STIM1: variants seen among roughly 807,000 people sequenced by gnomAD.
The protein encoded by STIM1 is stromal interaction molecule 1.
A neutral mutation model predicts 74.7 loss-of-function variants in STIM1; 25 were observed. That is an observed-to-expected ratio of 0.33 (90% CI 0.24 to 0.47). STIM1 has a LOEUF of 0.47. Ranked by LOEUF, STIM1 falls within the 20% of genes least tolerant of loss-of-function variation. The pLI, the probability that STIM1 is intolerant of heterozygous loss-of-function variation, is 1.00. For missense variants in STIM1, 728 were observed against 920.8 expected (o/e 0.79, Z 2.71); for synonymous variants, 328 against 348.8 (o/e 0.94, Z 0.66).
At chr11:4,084,866 G>A (rs1200758515) in intron 11 of STIM1, 101 bp downstream of exon 11, 2 of 934,654 alleles carry the variant, frequency 2.1e-6, no homozygotes, top group African/African-American at 1.7e-5. Context: ...TCACGCCCCT[G>A]CCTGCTCCCT....
At chr11:4,046,512 T>C (rs2094195001) in intron 3 of STIM1, among the ~76,000 whole-genome samples, 1 of 152,120 alleles carries the variant, frequency 6.6e-6, no homozygotes, top group Non-Finnish European at 1.5e-5. Flanking sequence ...GAGCTTTCCT[T>C]CTGAACTCCA....
chr11:3,856,211 C>T lies in STIM1; in HGVS notation c.-60C>T. Reference sequence around the variant, plus strand: ...GTCGGCTGCACTCCCGGGCTCCTGGCTTTGCCTCTGGGATCCCGAGGTGTC... The same window carrying T: ...GTCGGCTGCACTCCCGGGCTCCTGGTTTTGCCTCTGGGATCCCGAGGTGTC... On this transcript the variant is annotated 5_prime_UTR_variant, in exon 1 of 13. Coordinates refer to ENST00000526596, the MANE Select transcript of STIM1 (RefSeq NM_001382567.1). 1 of 1,610,722 alleles carries T rather than the reference C, an allele frequency of 6.2e-7. No individual in the cohort carries two copies. Among genetic ancestry groups the T allele is most frequent in the Admixed American group, 1.7e-5 (1 of 60,012 alleles).
At chr11:3,895,891 TTTCTTTCTTTCTTTC>T (rs2092148249) in intron 1 of STIM1, among the ~76,000 whole-genome samples, 1 of 145,106 alleles carries the variant, frequency 6.9e-6, no homozygotes, top group Non-Finnish European at 1.5e-5. Flanking sequence ...CTTTCTTTTC[TTTCTTTCTTTCTTTC>T]TTCTTTCTTT....
rs992178341 is a variant in STIM1 at position 4,082,915 on chromosome 11, T to C, written c.1171T>C (p.Phe391Leu). The C allele has an allele frequency of 6.2e-7, 1 of 1,614,064 alleles. No homozygotes were observed. Among genetic ancestry groups the C allele is most frequent in the African/African-American group, 1.3e-5 (1 of 74,930 alleles). Reference protein sequence around the residue: ...EKIKKKRNTLFGTFHVAHSSS... With the variant: ...EKIKKKRNTLLGTFHVAHSSS... ...GATAAAAAAGAAGAGAAACACACTC[T>C]TTGGCACCTTCCACGTGGCCCACAG... is the stretch of plus-strand genomic sequence containing the variant. Residue 391 changes from phenylalanine (F) to leucine (L), a missense_variant, in exon 9 of 13, where the codon TTT (phenylalanine) becomes CTT (leucine). Coordinates refer to ENST00000526596, the MANE Select transcript of STIM1 (RefSeq NM_001382567.1).
chr11:3,894,513 G>A (rs1186967174), intron 1 of STIM1, among the ~76,000 whole-genome samples: 1 of 152,096 alleles, frequency 6.6e-6, no homozygotes, highest in Non-Finnish European at 1.5e-5. Flanking sequence ...AAGACTAGAC[G>A]CTCTTAGCAG....
intron 5 of STIM1, among the ~76,000 whole-genome samples, chr11:4,059,879 T>A (rs17196385): frequency 6.6e-6 from 1 of 152,106 alleles, no homozygotes; most frequent in African/African-American, 2.4e-5. Context: ...AAAAGTATGC[T>A]CAGGGATAGA....
intron 2 of STIM1, among the ~76,000 whole-genome samples, chr11:3,993,174 A>T (rs1406039969): frequency 2.0e-5 from 3 of 151,954 alleles, no homozygotes; most frequent in Non-Finnish European, 4.4e-5. Context: ...GCCCTCTGTG[A>T]TCTGGTCCCC....
At chr11:3,959,470 T>G (rs531665708) in intron 1 of STIM1, among the ~76,000 whole-genome samples, 12 of 152,316 alleles carry the variant, frequency 7.9e-5, no homozygotes, top group Admixed American at 1.3e-4. Context: ...CAGCACATAC[T>G]GATTTCATAC....
intron 4 of STIM1, 64 bp from the exon 5 acceptor site, chr11:4,059,216 AT>A (rs2094313119): frequency 7.2e-7 from 1 of 1,395,900 alleles, no homozygotes; most frequent in Non-Finnish European, 1.0e-6. Context: ...GAGGCGGGTA[AT>A]CCTACCAGGA....
In STIM1 at chr11:3,872,210, G is replaced by A. The variant is rs565748419; in HGVS notation, c.139+15801G>A. Among the ~76,000 whole-genome samples, 34 of 152,056 alleles carry A rather than the reference G, an allele frequency of 2.2e-4. No individual in the cohort carries two copies. In the South Asian group the frequency reaches 6.6e-3, roughly 30 times the overall value. ...TGGGACTATAGGCGTGTGCCACCAC[G>A]CCCGGCTAAGTTTTGTATTTTTAGT... On this transcript the variant is annotated intron_variant, in intron 1 of 12. Coordinates refer to ENST00000526596, the MANE Select transcript of STIM1 (RefSeq NM_001382567.1).
At chr11:3,909,364 T>C (rs1418535051) in intron 1 of STIM1, among the ~76,000 whole-genome samples, 1 of 152,170 alleles carries the variant, frequency 6.6e-6, no homozygotes. Context: ...GGTATGGGTA[T>C]AACATATCTC....
intron 2 of STIM1, among the ~76,000 whole-genome samples, chr11:4,015,336 G>C (rs933187285): frequency 2.0e-5 from 3 of 152,216 alleles, no homozygotes; most frequent in Middle Eastern, 6.8e-3. Context: ...ATGAAATTCT[G>C]GGTTGAAAAT....
chr11:3,930,718 A>G (rs2092849182), intron 1 of STIM1, among the ~76,000 whole-genome samples: 1 of 152,184 alleles, frequency 6.6e-6, no homozygotes, highest in Non-Finnish European at 1.5e-5. Context: ...CCTATCATAC[A>G]AATTGTTTTT....
intron 3 of STIM1, among the ~76,000 whole-genome samples, chr11:4,026,594 C>G (rs1013310600): frequency 6.6e-6 from 1 of 152,168 alleles, no homozygotes; most frequent in Non-Finnish European, 1.5e-5. Flanking sequence ...GCACTTCTGA[C>G]CAGCTGACTA....
chr11:4,089,753 C>T (rs1285789899), intron 12 of STIM1, among the ~76,000 whole-genome samples: 1 of 152,140 alleles, frequency 6.6e-6, no homozygotes, highest in Non-Finnish European at 1.5e-5. Flanking sequence ...GGCCTGGTAC[C>T]CTTCCTAACT....
At chr11:3,868,663 A>C (rs947042873) in intron 1 of STIM1, among the ~76,000 whole-genome samples, 2 of 152,208 alleles carry the variant, frequency 1.3e-5, no homozygotes, top group Non-Finnish European at 2.9e-5. Flanking sequence ...TGGGAGATGG[A>C]AAGAGAGGCT....
rs2090580519 is a variant in STIM1 at position 3,861,115 on chromosome 11, G to C, written c.139+4706G>C. ...GGAAAGGAGGCATTGTAAATATCTG[G>C]TTTCACTGTTTGGTAGCTGGATGAT... On this transcript the variant is annotated intron_variant, in intron 1 of 12. Coordinates refer to ENST00000526596, the MANE Select transcript of STIM1 (RefSeq NM_001382567.1). 1.3e-5 allele frequency among the ~76,000 whole-genome samples: 2 copies of C among 152,036 alleles called. 1 individual carries two copies. Among genetic ancestry groups the C allele is most frequent in the South Asian group, 4.1e-4 (2 of 4,822 alleles).
intron 7 of STIM1, among the ~76,000 whole-genome samples, chr11:4,080,642 T>A (rs904622700): frequency 1.3e-5 from 2 of 152,098 alleles, no homozygotes; most frequent in African/African-American, 4.8e-5. Context: ...AGTTTTACAA[T>A]TTTTTGTAAG....
chr11:3,929,041 G>A (rs2092825729), intron 1 of STIM1, among the ~76,000 whole-genome samples: 1 of 151,874 alleles, frequency 6.6e-6, no homozygotes, highest in African/African-American at 2.4e-5. Flanking sequence ...GCCCAGGACA[G>A]GGTTTCACCA....
Sources: allele counts gnomAD v4.1 joint callset (sites outside exome capture counted in the v4.1 genomes callset), GRCh38; gene constraint gnomAD v4.1.1; transcripts MANE v1.5; gene names NCBI Gene and HGNC (gene_info 2026-07-23, HGNC 2026-07-21).